PARD3B: variants seen among roughly 807,000 people sequenced by gnomAD.
The protein encoded by PARD3B is par-3 family cell polarity regulator beta.
In PARD3B, 103 loss-of-function variants were observed where a neutral mutation model predicts 130.2. The ratio of observed to expected loss-of-function variants is 0.79; its 90% CI spans 0.67 to 0.93. PARD3B has a LOEUF of 0.93. PARD3B is among the 40% of genes least tolerant of loss of function. The probability of loss-of-function intolerance (pLI) is 0.00; values close to 1 mark genes in which losing one functional copy is unlikely to be tolerated. For synonymous variants in PARD3B, 583 were observed against 553.2 expected (o/e 1.05, Z -0.76); for missense variants, 1,609 against 1,499.2 (o/e 1.07, Z -1.21).
chr2:204,952,121 GAGT>G (rs1437164023), intron 2 of PARD3B, among the ~76,000 whole-genome samples: 6 of 152,140 alleles, frequency 3.9e-5, no homozygotes, highest in Non-Finnish European at 8.8e-5. Flanking sequence ...TGAGTTTTGT[GAGT>G]AGATTTACCC....
intron 3 of PARD3B, among the ~76,000 whole-genome samples, chr2:205,014,482 C>T (rs898670598): frequency 2.0e-5 from 3 of 152,068 alleles, no homozygotes. Flanking sequence ...GTGTGTGTGC[C>T]GAGGAGAAGG....
intron 21 of PARD3B, among the ~76,000 whole-genome samples, chr2:205,545,102 T>A (rs2052327334): frequency 6.6e-6 from 1 of 152,194 alleles, no homozygotes; most frequent in South Asian, 2.1e-4. Flanking sequence ...TTTGAATGAG[T>A]GTGTGTTCTT....
intron 5 of PARD3B, among the ~76,000 whole-genome samples, chr2:205,112,306 A>G (rs962462206): frequency 6.6e-5 from 10 of 152,124 alleles, no homozygotes; most frequent in African/African-American, 2.4e-4. Context: ...AAGAAAACAC[A>G]TTAAAAATCA....
At chr2:204,960,780 C>T (rs912445287) in intron 2 of PARD3B, among the ~76,000 whole-genome samples, 2 of 151,822 alleles carry the variant, frequency 1.3e-5, no homozygotes, top group Non-Finnish European at 2.9e-5. Context: ...TAGTGAGGTG[C>T]GGAGACAGGC....
intron 18 of PARD3B, among the ~76,000 whole-genome samples, chr2:205,331,335 T>C (rs970673576): frequency 2.6e-5 from 4 of 151,818 alleles, no homozygotes; most frequent in African/African-American, 9.7e-5. Context: ...CAGGTATCAA[T>C]GATCCTAGTC....
At chr2:204,895,122 T>C (rs1381877725) in intron 2 of PARD3B, among the ~76,000 whole-genome samples, 1 of 152,074 alleles carries the variant, frequency 6.6e-6, no homozygotes, top group African/African-American at 2.4e-5. Context: ...AAATGTGCAT[T>C]TATGTTGGGA....
chr2:205,588,061 A>G (rs1210559955), intron 22 of PARD3B, among the ~76,000 whole-genome samples: 3 of 152,252 alleles, frequency 2.0e-5, no homozygotes, highest in African/African-American at 7.2e-5. Flanking sequence ...AGGAAAGGCA[A>G]AAACTTGGGA....
intron 18 of PARD3B, among the ~76,000 whole-genome samples, chr2:205,348,606 T>C (rs2043880367): frequency 6.6e-6 from 1 of 152,194 alleles, no homozygotes; most frequent in Non-Finnish European, 1.5e-5. Flanking sequence ...ACCTAAAATA[T>C]CGGTTTCCCA....
At chr2:205,186,047 G>A (rs917393286) in intron 14 of PARD3B, among the ~76,000 whole-genome samples, 184 bp downstream of exon 14, 3 of 152,034 alleles carry the variant, frequency 2.0e-5, no homozygotes, top group Middle Eastern at 3.4e-3. Flanking sequence ...GCTTAGATTG[G>A]GCATATTTTG....
chr2:204,911,506 A>C (rs2047235773), intron 2 of PARD3B, among the ~76,000 whole-genome samples: 2 of 152,228 alleles, frequency 1.3e-5, no homozygotes, highest in African/African-American at 4.8e-5. Context: ...AATAATATGA[A>C]AAATTTTCTA....
In PARD3B at chr2:205,292,557, C is replaced by A. The variant is rs1409149634; in HGVS notation, c.2186-7973C>A. ...AGATGCTCAGCATGAGAGAGGCAAGCAAAGACCCGCAGAGAACAACTCATT... is the reference window on the plus strand; with the variant it reads ...AGATGCTCAGCATGAGAGAGGCAAGAAAAGACCCGCAGAGAACAACTCATT... On this transcript the variant is annotated intron_variant, in intron 16 of 22. Coordinates refer to ENST00000406610, the MANE Select transcript of PARD3B (RefSeq NM_001302769.2). This position sits in a 1 kb window ranked among gnomAD's most constrained non-coding sequence, Gnocchi z 5.3. Among the ~76,000 whole-genome samples the A allele has an allele frequency of 6.6e-6, 1 of 152,156 alleles. No individual in the cohort carries two copies. Among genetic ancestry groups the A allele is most frequent in the Non-Finnish European group, 1.5e-5 (1 of 68,028 alleles).
intron 3 of PARD3B, among the ~76,000 whole-genome samples, chr2:204,990,559 C>T (rs568212054): frequency 6.6e-6 from 1 of 152,202 alleles, no homozygotes; most frequent in East Asian, 1.9e-4. Flanking sequence ...TAGTAACTAT[C>T]ATTCTACTCT....
chr2:204,951,075 C>T (rs1030573016), intron 2 of PARD3B, among the ~76,000 whole-genome samples: 1 of 152,110 alleles, frequency 6.6e-6, no homozygotes, highest in African/African-American at 2.4e-5. Flanking sequence ...AATGTGAAAC[C>T]AGAATAAGCA....
At chr2:205,498,348 A>G (rs1479562374) in intron 20 of PARD3B, among the ~76,000 whole-genome samples, 1 of 151,984 alleles carries the variant, frequency 6.6e-6, no homozygotes, top group Non-Finnish European at 1.5e-5. Context: ...CTAAAAATAC[A>G]AAAATTAGCC....
At chr2:205,087,898 G>A (rs1482956873) in intron 4 of PARD3B, among the ~76,000 whole-genome samples, 1 of 152,164 alleles carries the variant, frequency 6.6e-6, no homozygotes, top group Non-Finnish European at 1.5e-5. Context: ...AATATCGTGT[G>A]TTGATCGGAA....
intron 21 of PARD3B, among the ~76,000 whole-genome samples, chr2:205,540,470 T>C (rs1479120631): frequency 6.6e-6 from 1 of 152,208 alleles, no homozygotes; most frequent in Non-Finnish European, 1.5e-5. Flanking sequence ...CTCTTCTGGG[T>C]ATAAATTCAT....
intron 3 of PARD3B, among the ~76,000 whole-genome samples, chr2:204,979,925 G>A (rs1318218021): frequency 6.6e-6 from 1 of 152,090 alleles, no homozygotes; most frequent in Non-Finnish European, 1.5e-5. Flanking sequence ...TCATAACTTT[G>A]GTGTTAGGCT....
At chr2:204,736,876 C>G (rs1390460386) in intron 2 of PARD3B, among the ~76,000 whole-genome samples, 1 of 152,206 alleles carries the variant, frequency 6.6e-6, no homozygotes, top group Non-Finnish European at 1.5e-5. Context: ...AGAGGTTGTA[C>G]TAATTTACAT....
chr2:205,222,440 C>T (rs1425209852), intron 15 of PARD3B, among the ~76,000 whole-genome samples: 1 of 152,172 alleles, frequency 6.6e-6, no homozygotes, highest in Non-Finnish European at 1.5e-5. Flanking sequence ...TAATAAAACC[C>T]AACTCAAAGA....
Sources: allele counts gnomAD v4.1 joint callset (sites outside exome capture counted in the v4.1 genomes callset), GRCh38; gene constraint gnomAD v4.1.1; non-coding constraint Gnocchi (gnomAD v3.1); transcripts MANE v1.5; gene names NCBI Gene and HGNC (gene_info 2026-07-23, HGNC 2026-07-21).